The following ATXN1 variants were observed in gnomAD, a reference collection of about 807,000 sequenced individuals.
ATXN1 encodes the protein ataxin 1.
ATXN1 carries 8 observed loss-of-function variants against 56.4 expected under a neutral mutation model. The ratio of observed to expected loss-of-function variants is 0.14; its 90% CI spans 0.08 to 0.26. The LOEUF (loss-of-function observed/expected upper bound fraction) is 0.26. ATXN1 is among the 10% of genes least tolerant of loss of function. The pLI is 1.00. For synonymous variants in ATXN1, 514 were observed against 494.6 expected, an observed-to-expected ratio of 1.04 and a Z score of -0.52; for missense variants, 987 against 1,106.5, an observed-to-expected ratio of 0.89 and a Z score of 1.53.
At chr6:16,592,889 G>A (rs1347657975) in intron 3 of ATXN1, among the ~76,000 whole-genome samples, 1 of 150,666 alleles carries the variant, frequency 6.6e-6, no homozygotes, top group East Asian at 2.0e-4. Context: ...GGGTTGGGGG[G>A]GGCAGCTTTT....
intron 5 of ATXN1, among the ~76,000 whole-genome samples, chr6:16,501,515 C>T (rs1032720890): frequency 2.6e-5 from 4 of 152,218 alleles, no homozygotes; most frequent in South Asian, 4.2e-4. Context: ...TGATGTTCCC[C>T]TCCCTGTGTC....
intron 2 of ATXN1, among the ~76,000 whole-genome samples, chr6:16,731,475 T>C (rs967483647): frequency 1.1e-3 from 133 of 124,324 alleles, no homozygotes; most frequent in African/African-American, 4.4e-3. Context: ...TTTTTTTTTT[T>C]TTTTTTTTAA....
chr6:16,352,836 A>G (rs1245236136), intron 6 of ATXN1, among the ~76,000 whole-genome samples: 1 of 152,192 alleles, frequency 6.6e-6, no homozygotes, highest in African/African-American at 2.4e-5. Context: ...TATGAGATTA[A>G]TGATAATAGC....
intron 6 of ATXN1, among the ~76,000 whole-genome samples, chr6:16,449,642 T>C (rs1759711658): frequency 6.6e-6 from 1 of 152,222 alleles, no homozygotes; most frequent in South Asian, 2.1e-4. Context: ...AAAATGTAAA[T>C]GGTTTCACAT....
At chr6:16,539,797 A>G (rs573644489) in intron 4 of ATXN1, among the ~76,000 whole-genome samples, 29 of 152,178 alleles carry the variant, frequency 1.9e-4, no homozygotes, top group Non-Finnish European at 3.4e-4. Flanking sequence ...AATACAGGAC[A>G]CCTCTGCACA....
At chr6:16,425,172 A>T (rs932412) in intron 6 of ATXN1, among the ~76,000 whole-genome samples, 3 of 152,070 alleles carry the variant, frequency 2.0e-5, no homozygotes, top group South Asian at 2.1e-4. Context: ...TGTGAAACAG[A>T]GCACAAATTA....
intron 3 of ATXN1, among the ~76,000 whole-genome samples, chr6:16,618,451 C>T (rs947493100): frequency 6.6e-6 from 1 of 152,188 alleles, no homozygotes; most frequent in African/African-American, 2.4e-5. Flanking sequence ...AGAATTCAGG[C>T]AGGGTGTGGT....
At position 16,572,947 on chromosome 6, in the gene ATXN1, G is replaced by A. The variant is rs147396889; in HGVS notation, c.-361+12833C>T. Reference sequence around the variant, plus strand: ...CTAAGTAGAATGGTGATTTAACAGAGTTTTTATGAGTATGGTCCAACAGTA... The same window carrying A: ...CTAAGTAGAATGGTGATTTAACAGAATTTTTATGAGTATGGTCCAACAGTA... On this transcript the variant is annotated intron_variant, in intron 4 of 7. Coordinates refer to ENST00000436367, the MANE Select transcript of ATXN1 (RefSeq NM_001128164.2). Among the ~76,000 whole-genome samples the A allele has an allele frequency of 5.0e-3, 757 of 152,306 alleles. 9 individuals are homozygous for A. Among genetic ancestry groups the A allele is most frequent in the African/African-American group, 0.017 (715 of 41,572 alleles).
intron 2 of ATXN1, among the ~76,000 whole-genome samples, chr6:16,720,220 C>A (rs985651542): frequency 6.6e-6 from 1 of 152,158 alleles, no homozygotes. Context: ...AAAAGCCCAT[C>A]CCCTAAGACT....
intron 2 of ATXN1, among the ~76,000 whole-genome samples, chr6:16,686,337 G>T (rs1758918125): frequency 6.6e-6 from 1 of 152,214 alleles, no homozygotes; most frequent in Non-Finnish European, 1.5e-5. Context: ...AAAAAAAGAG[G>T]TCATTTCAAA....
intron 2 of ATXN1, among the ~76,000 whole-genome samples, chr6:16,701,087 G>C (rs2113436847): frequency 6.6e-6 from 1 of 152,220 alleles, no homozygotes; most frequent in East Asian, 1.9e-4. Context: ...CCTAGGAATG[G>C]CATACGTGTT....
chr6:16,537,241 T>C (rs1297373150), intron 4 of ATXN1, among the ~76,000 whole-genome samples: 2 of 152,152 alleles, frequency 1.3e-5, no homozygotes, highest in Admixed American at 1.3e-4. Context: ...TAACAAATGT[T>C]AAACCTGTCT....
chr6:16,347,825 C>T lies in ATXN1; in HGVS notation c.-160-19355G>A, dbSNP rs759609213. Among the ~76,000 whole-genome samples the T allele has an allele frequency of 3.6e-4, 55 of 152,180 alleles. 1 individual carries two copies. Among genetic ancestry groups the T allele is most frequent in the Non-Finnish European group, 2.4e-4 (16 of 68,024 alleles). On this transcript the variant is annotated intron_variant, in intron 6 of 7. Transcript: ENST00000436367. The stretch of plus-strand genomic sequence containing the variant: ...GATAAGAGAATAAAAGCAGGCTGCC[C>T]GAGCCAGCAGTGGTAACCTTCTCCG...
At chr6:16,626,699 C>A (rs1336778929) in intron 3 of ATXN1, among the ~76,000 whole-genome samples, 1 of 152,186 alleles carries the variant, frequency 6.6e-6, no homozygotes, top group Non-Finnish European at 1.5e-5. Flanking sequence ...TGTGTTGAAG[C>A]CCTAACTTCC....
At chr6:16,753,712 T>C (rs1438902318) in intron 1 of ATXN1, among the ~76,000 whole-genome samples, 2 of 152,158 alleles carry the variant, frequency 1.3e-5, no homozygotes, top group African/African-American at 2.4e-5. Flanking sequence ...TGGGCATGGA[T>C]TGAATAGTAA....
chr6:16,700,395 C>T (rs1040192000), intron 2 of ATXN1, among the ~76,000 whole-genome samples: 6 of 152,138 alleles, frequency 3.9e-5, no homozygotes, highest in Non-Finnish European at 5.9e-5. Context: ...TTGCTGTGCT[C>T]TGCAACCCCC....
intron 3 of ATXN1, among the ~76,000 whole-genome samples, chr6:16,634,877 T>C (rs749352734): frequency 3.9e-5 from 6 of 152,208 alleles, no homozygotes; most frequent in Non-Finnish European, 5.9e-5. Context: ...AAAATGTCTG[T>C]AGCTTTCATT....
At chr6:16,599,709 CAA>C (rs35593294) in intron 3 of ATXN1, among the ~76,000 whole-genome samples, 11 of 72,154 alleles carry the variant, frequency 1.5e-4, no homozygotes, top group Admixed American at 1.4e-4. Context: ...AACTCCGTCT[CAA>C]AAAAAAAAAA....
chr6:16,344,248 A>C (rs1761326464), intron 6 of ATXN1, among the ~76,000 whole-genome samples: 1 of 152,172 alleles, frequency 6.6e-6, no homozygotes. Context: ...CCAAGGCTCC[A>C]ATTAGTCTAA....
Sources: allele counts gnomAD v4.1 joint callset (sites outside exome capture counted in the v4.1 genomes callset), GRCh38; gene constraint gnomAD v4.1.1; transcripts MANE v1.5; gene names NCBI Gene and HGNC (gene_info 2026-07-23, HGNC 2026-07-21).